The following XAGE2 variants were observed in gnomAD, a reference collection of about 807,000 sequenced individuals.
The protein encoded by XAGE2 is X antigen family member 2, also known as G antigen family D member 3.
Under a neutral mutation model 9.9 loss-of-function variants are expected in XAGE2, and 7 were observed. The observed-to-expected ratio is 0.71, with a 90% CI of 0.40 to 1.32. XAGE2 has a LOEUF of 1.32. Ranked by LOEUF, XAGE2 falls within the 40% of genes most tolerant of loss-of-function variation. The probability of loss-of-function intolerance (pLI) is 0.01; values close to 1 mark genes in which losing one functional copy is unlikely to be tolerated. For synonymous variants in XAGE2, 31 were observed against 26.8 expected (o/e 1.16, Z -0.48); for missense variants, 85 against 81.0 (o/e 1.05, Z -0.19).
Position 52,372,535 on chromosome X carries a change from A to AT in XAGE2, c.188-3dup, listed in dbSNP as rs1921215721. 2 of 1,208,394 alleles carry AT rather than the reference A, an allele frequency of 1.7e-6. No individual in the cohort carries two copies. Among genetic ancestry groups the AT allele is most frequent in the African/African-American group, 3.5e-5 (2 of 56,909 alleles). ...TGTACTCAAGTTCAATAACCTTTGT[A>AT]TTTTTTAGTGCCTGACCTGGAAGCC... On this transcript the variant is annotated splice_polypyrimidine_tract_variant and intron_variant, in intron 3 of 4. Transcript: ENST00000286049.
intron 4 of XAGE2, among the ~76,000 whole-genome samples, chrX:52,374,766 G>A (rs1393319545): frequency 4.5e-5 from 5 of 110,002 alleles, no homozygotes; most frequent in East Asian, 5.7e-4. Context: ...TTCCCTTTCC[G>A]TTTCTTTTTT....
intron 4 of XAGE2, 28 bp from the exon 5 acceptor site, chrX:52,375,541 T>C (rs2146416464): frequency 8.3e-7 from 1 of 1,198,284 alleles, no homozygotes; most frequent in Non-Finnish European, 1.1e-6. Flanking sequence ...CTGCTAGTAA[T>C]GTTCCACCTG....
rs1202786959 is a variant in XAGE2, at chrX:52,370,587, T to C, written c.102T>C (p.Pro34=). ...CCCAGGAACCCACTGATGAAGAGCCTAAAGAAGAGAAACCACCCACTAAAA... is the reference window on the plus strand; with the variant it reads ...CCCAGGAACCCACTGATGAAGAGCCCAAAGAAGAGAAACCACCCACTAAAA... ...GAMLEPTDEE[P]KEEKPPTKSR... The change falls in exon 3 of 5, where the codon CCT becomes CCC. Residue 34 remains proline, a synonymous_variant. Coordinates refer to ENST00000286049, the MANE Select transcript of XAGE2 (RefSeq NM_130777.3). 8.3e-7 allele frequency: 1 copy of C among 1,209,546 alleles called. No homozygotes were observed. Among genetic ancestry groups the C allele is most frequent in the Non-Finnish European group, 1.1e-6 (1 of 894,949 alleles).
intron 4 of XAGE2, among the ~76,000 whole-genome samples, chrX:52,373,069 A>G (rs988248229): frequency 2.6e-3 from 294 of 112,780 alleles, no homozygotes; most frequent in African/African-American, 8.9e-3. Context: ...GACAAATTCC[A>G]TAAATTCTAC....
intron 4 of XAGE2, 143 bp downstream of exon 4, chrX:52,372,812 A>G (rs1921225470): frequency 1.2e-6 from 1 of 816,620 alleles, no homozygotes; most frequent in South Asian, 2.6e-5. Context: ...TCAGATCCCA[A>G]TGCCTGACTG....
chrX:52,371,449 C>T (rs1321691923), intron 3 of XAGE2, among the ~76,000 whole-genome samples: 3 of 111,781 alleles, frequency 2.7e-5, no homozygotes, highest in Non-Finnish European at 3.8e-5. Context: ...CACTGGCATA[C>T]AGGTAGGTAT....
At chrX:52,374,055 A>G (rs984275158) in intron 4 of XAGE2, among the ~76,000 whole-genome samples, 1 of 111,749 alleles carries the variant, frequency 8.9e-6, no homozygotes, top group Non-Finnish European at 1.9e-5. Context: ...TGGATTTTGG[A>G]TTAGGAAAAC....
At chrX:52,373,256 T>C (rs1276529304) in intron 4 of XAGE2, among the ~76,000 whole-genome samples, 2 of 112,539 alleles carry the variant, frequency 1.8e-5, no homozygotes. Flanking sequence ...TGAGCTGAGA[T>C]TTCATTGCTC....
chrX:52,373,528 C>G (rs1184968122), intron 4 of XAGE2, among the ~76,000 whole-genome samples: 5 of 111,274 alleles, frequency 4.5e-5, no homozygotes, highest in South Asian at 7.6e-4. Context: ...GCTAAGCATG[C>G]TTTTTGCTCT....
At chrX:52,372,956 T>C (rs1921229040) in intron 4 of XAGE2, among the ~76,000 whole-genome samples, 1 of 112,427 alleles carries the variant, frequency 8.9e-6, no homozygotes, top group Non-Finnish European at 1.9e-5. Flanking sequence ...TAATTTCTGC[T>C]TTTAACAAAT....
intron 2 of XAGE2, 90 bp from the exon 3 acceptor site, chrX:52,370,477 A>G (rs1370329436): frequency 6.6e-6 from 5 of 760,998 alleles, no homozygotes; most frequent in Non-Finnish European, 1.0e-5. Context: ...GTGATTAGAA[A>G]TACCTGTGTA....
At chrX:52,373,971 A>G (rs1192471421) in intron 4 of XAGE2, among the ~76,000 whole-genome samples, 4 of 111,928 alleles carry the variant, frequency 3.6e-5, no homozygotes, top group East Asian at 2.8e-4. Context: ...AATAATCAAT[A>G]TAATAATAAA....
chrX:52,370,516 T>C (rs1369576753), intron 2 of XAGE2, 51 bp from the exon 3 acceptor site: 14 of 1,029,222 alleles, frequency 1.4e-5, no homozygotes, highest in Non-Finnish European at 1.9e-5. Flanking sequence ...TTGACATGTA[T>C]TACTAACAAA....
chrX:52,370,621 C>T lies in XAGE2; in HGVS notation c.136C>T (p.Pro46Ser). ...EEKPPTKSRNPTPDQKREDDQ... is the reference protein window; with the variant it reads ...EEKPPTKSRNSTPDQKREDDQ... Reference sequence around the variant, plus strand: ...GAAACCACCCACTAAAAGTCGGAATCCTACACCTGATCAGAAGAGAGAAGA... The same window carrying T: ...GAAACCACCCACTAAAAGTCGGAATTCTACACCTGATCAGAAGAGAGAAGA... The change falls in exon 3 of 5, where the codon CCT (proline) becomes TCT (serine). Residue 46 changes from proline to serine, a missense_variant. Pro to Ser is a moderately conservative substitution (Grantham distance 74, BLOSUM62 -1). Coordinates refer to ENST00000286049, the MANE Select transcript of XAGE2 (RefSeq NM_130777.3). 1 of 1,211,494 alleles carries T rather than the reference C, an allele frequency of 8.3e-7. No homozygotes were observed. Among genetic ancestry groups the T allele is most frequent in the Non-Finnish European group, 1.1e-6 (1 of 895,404 alleles).
chrX:52,370,707 G>A, intron 3 of XAGE2, 35 bp downstream of exon 3: 1 of 1,150,426 alleles, frequency 8.7e-7, no homozygotes, highest in Admixed American at 2.2e-5. Flanking sequence ...GCCTATAGGG[G>A]GAAGGAGGCC....
intron 2 of XAGE2, among the ~76,000 whole-genome samples, chrX:52,370,313 A>G (rs904286368): frequency 4.0e-4 from 45 of 112,352 alleles, no homozygotes; most frequent in Non-Finnish European, 6.8e-4. Context: ...ATGCTTACTG[A>G]TAACAGATTG....
intron 4 of XAGE2, among the ~76,000 whole-genome samples, chrX:52,373,639 A>G (rs1197455690): frequency 1.1e-4 from 12 of 112,144 alleles, no homozygotes; most frequent in African/African-American, 3.6e-4. Context: ...CTGCCTTGAG[A>G]CATCAGATGA....
Position 52,370,093 on chromosome X carries a change from C to G in XAGE2, c.79C>G (p.Leu27Val). ...LQPPELIGAMLEPTDEEPKEE... is the reference protein window; with the variant it reads ...LQPPELIGAMVEPTDEEPKEE... ...GCCTCCTGAGCTGATTGGGGCTATG[C>G]TTGTGAGTGCTTTAATATTTTGATG... is the stretch of plus-strand genomic sequence containing the variant. The change falls in exon 2 of 5, where the codon CTT (leucine) becomes GTT (valine). Residue 27 changes from leucine (L) to valine (V), a missense_variant and splice_region_variant. Leu to Val is a conservative substitution (Grantham distance 32). Transcript: ENST00000286049. 1 of 1,209,476 alleles carries G rather than the reference C, an allele frequency of 8.3e-7. No homozygotes were observed. Among genetic ancestry groups the G allele is most frequent in the African/African-American group, 1.7e-5 (1 of 57,795 alleles).
Position 52,372,547 on chromosome X carries a change from C to A in XAGE2, c.191C>A (p.Pro64His). 1 of 1,210,392 alleles carries A rather than the reference C, an allele frequency of 8.3e-7. No individual in the cohort carries two copies. Among genetic ancestry groups the A allele is most frequent in the East Asian group, 3.0e-5 (1 of 33,785 alleles). ...DDQGAAEIQV[P>H]DLEADLQELC... is the part of the protein sequence containing the mutation. ...CAATAACCTTTGTATTTTTTAGTGC[C>A]TGACCTGGAAGCCGATCTCCAGGAG... Residue 64 changes from proline (P) to histidine (H), a missense_variant, in exon 4 of 5, where the codon CCT becomes CAT. Transcript: ENST00000286049.
Sources: gnomAD v4.1 joint callset for allele counts (sites outside exome capture counted in the v4.1 genomes callset) on GRCh38, gnomAD v4.1.1 for gene constraint, MANE v1.5 for transcripts, NCBI Gene and HGNC (gene_info 2026-07-23, HGNC 2026-07-21) for gene names.